The following CPE variants were observed in gnomAD, a reference collection of about 807,000 sequenced individuals.
The protein encoded by CPE is carbocypeptidase E.
In CPE, 17 loss-of-function variants were observed where a neutral mutation model predicts 53.5. That is an observed-to-expected ratio of 0.32 (90% CI 0.22 to 0.48). The LOEUF is 0.48. Ranked by LOEUF, CPE falls within the 20% of genes least tolerant of loss-of-function variation. CPE has a pLI of 0.99. For missense variants in CPE, 524 were observed against 614.7 expected, an observed-to-expected ratio of 0.85 and a Z score of 1.56; for synonymous variants, 226 against 228.8, an observed-to-expected ratio of 0.99 and a Z score of 0.11.
At chr4:165,430,191 A>G (rs917438952) in intron 1 of CPE, among the ~76,000 whole-genome samples, 3 of 152,212 alleles carry the variant, frequency 2.0e-5, no homozygotes, top group South Asian at 4.1e-4. Context: ...TATTGCTTGT[A>G]AGTAACCATA....
intron 1 of CPE, among the ~76,000 whole-genome samples, chr4:165,463,825 A>T (rs1436447113): frequency 6.6e-6 from 1 of 152,250 alleles, no homozygotes; most frequent in East Asian, 1.9e-4. Flanking sequence ...TGTGGGTGAG[A>T]TGGTATATTA....
At chr4:165,432,352 G>C (rs967054410) in intron 1 of CPE, among the ~76,000 whole-genome samples, 5 of 152,126 alleles carry the variant, frequency 3.3e-5, no homozygotes, top group Non-Finnish European at 5.9e-5. Context: ...CTGGAGTGCA[G>C]TGGCACAATC....
intron 1 of CPE, among the ~76,000 whole-genome samples, chr4:165,453,210 G>C (rs184006354): frequency 1.3e-5 from 2 of 151,998 alleles, no homozygotes; most frequent in East Asian, 1.9e-4. Context: ...CGCCCACCTC[G>C]GCCTCCCAAA....
rs759737700 is a variant in CPE, at chr4:165,484,427, G to T, written c.796G>T (p.Ala266Ser). ...CTTGTGGATTTGTTTTCTAGGTAGT[G>T]CTCACGAATACAGCTCCTCCCCAGA... Reference protein sequence around the residue: ...YPYDETRSGSAHEYSSSPDDA... With the variant: ...YPYDETRSGSSHEYSSSPDDA... Residue 266 changes from alanine (A) to serine (S), a missense_variant, in exon 5 of 9, where the codon GCT becomes TCT. By Grantham distance (99) the Ala-to-Ser change is moderately conservative. Transcript: ENST00000402744. 5 of 1,613,500 alleles carry T rather than the reference G, an allele frequency of 3.1e-6. No homozygotes were observed. In the Admixed American group the frequency reaches 8.3e-5, roughly 27 times the overall value.
intron 1 of CPE, among the ~76,000 whole-genome samples, chr4:165,445,832 T>C (rs1731704623): frequency 6.6e-6 from 1 of 152,270 alleles, no homozygotes; most frequent in African/African-American, 2.4e-5. Context: ...AAGAGACTTA[T>C]ATTGGAGCAC....
intron 1 of CPE, among the ~76,000 whole-genome samples, chr4:165,433,437 T>G (rs942103771): frequency 1.3e-5 from 2 of 152,156 alleles, no homozygotes; most frequent in African/African-American, 4.8e-5. Context: ...CCTCCTATAG[T>G]GATTACTGAA....
intron 1 of CPE, among the ~76,000 whole-genome samples, chr4:165,401,692 G>A (rs1180500234): frequency 2.0e-5 from 3 of 152,176 alleles, no homozygotes; most frequent in Non-Finnish European, 2.9e-5. Context: ...TTCCTGAGTG[G>A]AGGAGGGTTT....
At chr4:165,416,872 A>G (rs560035495) in intron 1 of CPE, among the ~76,000 whole-genome samples, 49 of 152,106 alleles carry the variant, frequency 3.2e-4, no homozygotes, top group African/African-American at 1.2e-3. Context: ...TGCCTGGCAC[A>G]CAGTGGGGAC....
At chr4:165,391,489 A>G (rs558208539) in intron 1 of CPE, among the ~76,000 whole-genome samples, 14 of 152,250 alleles carry the variant, frequency 9.2e-5, no homozygotes, top group African/African-American at 3.1e-4. Flanking sequence ...AGGCCCTACT[A>G]ACAACTTGCA....
intron 1 of CPE, among the ~76,000 whole-genome samples, chr4:165,457,786 A>G (rs1465499236): frequency 6.6e-6 from 1 of 152,114 alleles, no homozygotes; most frequent in Non-Finnish European, 1.5e-5. Context: ...TTTTGCAATC[A>G]TTTTTTGTTC....
intron 6 of CPE, among the ~76,000 whole-genome samples, chr4:165,491,546 T>C (rs1304850723): frequency 6.6e-6 from 1 of 152,154 alleles, no homozygotes; most frequent in Non-Finnish European, 1.5e-5. Context: ...TGGCTGAATT[T>C]CAAACTCTTT....
chr4:165,443,815 G>A (rs1731656711), intron 1 of CPE, among the ~76,000 whole-genome samples: 1 of 152,188 alleles, frequency 6.6e-6, no homozygotes, highest in Non-Finnish European at 1.5e-5. Context: ...AATTGCCAAT[G>A]TGATGGCATG....
In CPE at chr4:165,410,306, A is replaced by G. The variant is rs535174948; in HGVS notation, c.307+30778A>G. 4.8e-3 allele frequency among the ~76,000 whole-genome samples: 733 copies of G among 152,122 alleles called. 1 individual carries two copies. The highest frequency in any genetic ancestry group is 7.5e-3 in the Non-Finnish European group (510 of 67,976). ...ATCTTGAACTATGTGAACAACTTCA[A>G]TTTATAAAAGAGTAAAAAAATCGTT... On this transcript the variant is annotated intron_variant, in intron 1 of 8. Transcript: ENST00000402744.
chr4:165,451,041 G>T (rs573587592), intron 1 of CPE, among the ~76,000 whole-genome samples: 8 of 152,180 alleles, frequency 5.3e-5, no homozygotes, highest in Non-Finnish European at 8.8e-5. Flanking sequence ...CTGACAAGCC[G>T]CATGGCATCC....
chr4:165,402,547 T>G (rs2126662192), intron 1 of CPE, among the ~76,000 whole-genome samples: 1 of 152,304 alleles, frequency 6.6e-6, no homozygotes, highest in African/African-American at 2.4e-5. Context: ...TGGTGAGTTC[T>G]CGCGAGATCT....
chr4:165,420,502 AGTTT>A (rs1228185024), intron 1 of CPE, among the ~76,000 whole-genome samples: 10 of 151,898 alleles, frequency 6.6e-5, no homozygotes, highest in African/African-American at 1.9e-4. Context: ...ATGGCTGTCC[AGTTT>A]GTTTATTTAT....
chr4:165,399,950 A>G (rs1416061146), intron 1 of CPE, among the ~76,000 whole-genome samples: 1 of 152,172 alleles, frequency 6.6e-6, no homozygotes, highest in African/African-American at 2.4e-5. Flanking sequence ...GATAATGTTC[A>G]GAGGATAATA....
At chr4:165,391,578 A>G (rs1730680419) in intron 1 of CPE, among the ~76,000 whole-genome samples, 1 of 152,182 alleles carries the variant, frequency 6.6e-6, no homozygotes, top group Non-Finnish European at 1.5e-5. Flanking sequence ...AATTCCAGGT[A>G]GAAATGCTTT....
intron 2 of CPE, among the ~76,000 whole-genome samples, chr4:165,466,011 A>G (rs1373428427): frequency 6.6e-6 from 1 of 152,222 alleles, no homozygotes; most frequent in Non-Finnish European, 1.5e-5. Flanking sequence ...TTCATCGAAC[A>G]TATTTTCAAA....
Sources: gnomAD v4.1 joint callset for allele counts (sites outside exome capture counted in the v4.1 genomes callset) on GRCh38, gnomAD v4.1.1 for gene constraint, MANE v1.5 for transcripts, NCBI Gene and HGNC (gene_info 2026-07-23, HGNC 2026-07-21) for gene names.